The following FAM161B variants were observed in gnomAD, a reference collection of about 807,000 sequenced individuals.
FAM161B encodes the protein FAM161 centrosomal protein B.
A neutral mutation model predicts 61.5 loss-of-function variants in FAM161B; 46 were observed. The observed-to-expected ratio is 0.75, with a 90% CI of 0.59 to 0.96. FAM161B has a LOEUF of 0.96. Among genes scored for constraint, FAM161B ranks in the 40% least tolerant of loss-of-function variants. The probability of loss-of-function intolerance (pLI) is 0.00; values close to 1 mark genes in which losing one functional copy is unlikely to be tolerated. For synonymous variants in FAM161B, 284 were observed against 302.7 expected (o/e 0.94, Z 0.64); for missense variants, 774 against 800.7 (o/e 0.97, Z 0.40).
At chr14:73,927,271 GT>G, downstream of FAM161B, 1 of 189,486 alleles carries the variant, frequency 5.3e-6, no homozygotes, top group South Asian at 6.0e-5. Flanking sequence ...TAGAGACGGG[GT>G]TTCACCATGT....
rs759458219 is a variant in FAM161B, at chr14:73,936,069, GCTT to G, written c.1682_1684del (p.Glu561del). 2 of 1,609,036 alleles carry G rather than the reference GCTT, an allele frequency of 1.2e-6. No homozygotes were observed. The highest frequency in any genetic ancestry group is 3.4e-5 in the Admixed American group (2 of 59,368). ...CAGGGTGTCTAGATACCACTGTTCT[GCTT>G]CTTTCTTGGCTAGATCCTGTGGGAT... is the stretch of plus-strand genomic sequence containing the variant. On this transcript the variant is annotated inframe_deletion, in exon 8 of 9. Transcript: ENST00000286544.
At position 73,932,618 on chromosome 14, in the gene FAM161B, T is replaced by TA; in HGVS notation, c.*1637dup. ...CCTGTCTCCACAGCTACTGAGAAAA[T>TA]ATCCACTCATCATCATTATGATTTG... On this transcript the variant is annotated 3_prime_UTR_variant, in exon 9 of 9. Transcript: ENST00000286544. The TA allele has an allele frequency of 2.6e-6, 1 of 381,186 alleles. No homozygotes were observed. The highest frequency in any genetic ancestry group is 3.5e-5 in the Admixed American group (1 of 28,518). 23.6% of individuals were successfully genotyped at this position (381,186 alleles called of 1,614,324 possible).
chr14:73,943,921 C>T (rs2056040565), intron 3 of FAM161B, among the ~76,000 whole-genome samples: 1 of 152,086 alleles, frequency 6.6e-6, no homozygotes, highest in Non-Finnish European at 1.5e-5. Flanking sequence ...AATAATCATC[C>T]CCCAGGTAAT....
chr14:73,939,464 C>T (rs1240897488), intron 5 of FAM161B, among the ~76,000 whole-genome samples: 2 of 152,254 alleles, frequency 1.3e-5, no homozygotes, highest in East Asian at 3.9e-4. Context: ...GAGGTAAATA[C>T]TAAATTCCCT....
the FAM161B span, among the ~76,000 whole-genome samples, chr14:73,925,795 G>A: frequency 1.3e-5 from 2 of 152,150 alleles, no homozygotes; most frequent in African/African-American, 4.8e-5. Context: ...ACTTTCGGAG[G>A]TGGAGGCAAG....
At chr14:73,925,529 G>T in the FAM161B span, among the ~76,000 whole-genome samples, 3 of 151,892 alleles carry the variant, frequency 2.0e-5, no homozygotes, top group Admixed American at 1.3e-4. Context: ...TCAGGTTCAA[G>T]CAATTTTCCT....
At chr14:73,941,439 G>C (rs956177508) in intron 4 of FAM161B, among the ~76,000 whole-genome samples, 1 of 151,888 alleles carries the variant, frequency 6.6e-6, no homozygotes, top group Non-Finnish European at 1.5e-5. Flanking sequence ...ATCTTTACTA[G>C]GATTCAGCTT....
chr14:73,946,701 A>C (rs1272008515), intron 1 of FAM161B, 96 bp from the exon 2 acceptor site: 4 of 1,320,248 alleles, frequency 3.0e-6, no homozygotes, highest in Non-Finnish European at 4.1e-6. Context: ...TCTGTATATT[A>C]GGGACTGGGG....
At chr14:73,925,563 G>A in the FAM161B span, among the ~76,000 whole-genome samples, 2 of 152,162 alleles carry the variant, frequency 1.3e-5, no homozygotes, top group Admixed American at 6.5e-5. Flanking sequence ...GAATAGCTGG[G>A]ATTGCAGGCA....
chr14:73,946,739 G>A, intron 1 of FAM161B, 134 bp from the exon 2 acceptor site: 3 of 827,244 alleles, frequency 3.6e-6, no homozygotes, highest in Non-Finnish European at 5.5e-6. Flanking sequence ...AGATGCACTG[G>A]CTCACACCTG....
At position 73,949,967 on chromosome 14, in the gene FAM161B, C is replaced by T. The variant is rs746202361; in HGVS notation, c.54+6G>A. ...TTCCCGGGGGCAGTCTCTTTTCTCT[C>T]CTCACCTGACGGCTCCCCTCCGCGC... On this transcript the variant is annotated splice_donor_region_variant and intron_variant, in intron 1 of 8. Coordinates refer to ENST00000286544, the MANE Select transcript of FAM161B (RefSeq NM_152445.3). The T allele has an allele frequency of 6.2e-7, 1 of 1,613,610 alleles. No individual in the cohort carries two copies. Among genetic ancestry groups the T allele is most frequent in the South Asian group, 1.1e-5 (1 of 91,076 alleles).
At chr14:73,942,321 T>C in intron 4 of FAM161B, 48 bp downstream of exon 4, 1 of 1,567,836 alleles carries the variant, frequency 6.4e-7, no homozygotes. Flanking sequence ...CCCCACCCTG[T>C]ATTTCAGGCC....
intron 5 of FAM161B, among the ~76,000 whole-genome samples, chr14:73,940,504 C>T (rs1379441324): frequency 2.0e-5 from 3 of 152,156 alleles, no homozygotes; most frequent in Non-Finnish European, 4.4e-5. Context: ...CGAACTCTTC[C>T]TTGTTCTTCA....
Position 73,946,625 on chromosome 14 carries a change from G to A in FAM161B, c.55-20C>T, listed in dbSNP as rs1226666498. The A allele has an allele frequency of 3.8e-6, 6 of 1,597,884 alleles. No homozygotes were observed. The highest frequency in any genetic ancestry group is 5.1e-6 in the Non-Finnish European group (6 of 1,169,742). On this transcript the variant is annotated intron_variant, in intron 1 of 8. Transcript: ENST00000286544. ...AAATATCTAAAATAGAATAGAAATA[G>A]GCTGTGGGTCAAACAATAATTTCAA... is the stretch of plus-strand genomic sequence containing the variant.
downstream of FAM161B, chr14:73,931,954 AC>A (rs2055922267): frequency 2.2e-6 from 1 of 456,968 alleles, no homozygotes; most frequent in Non-Finnish European, 4.4e-6. Context: ...ACAGAGCTTC[AC>A]CAGGAAGTTG....
Position 73,944,392 on chromosome 14 carries a change from C to T in FAM161B, c.868G>A (p.Ala290Thr), listed in dbSNP as rs749246421. The change falls in exon 3 of 9, where the codon GCC becomes ACC. Residue 290 changes from alanine to threonine, a missense_variant. Coordinates refer to ENST00000286544, the MANE Select transcript of FAM161B (RefSeq NM_152445.3). ...ATGGACTTGGGAATCCTTCTGGTGG[C>T]CTTCTGCTTGGAGATCTTGGCTTCA... Reference protein sequence around the residue: ...TAEAKISKQKATRRIPKSILE... With the variant: ...TAEAKISKQKTTRRIPKSILE... 6.2e-7 allele frequency: 1 copy of T among 1,606,928 alleles called. No individual in the cohort carries two copies. The highest frequency in any genetic ancestry group is 8.5e-7 in the Non-Finnish European group (1 of 1,174,288).
chr14:73,929,738 G>A (rs1156807048), downstream of FAM161B, among the ~76,000 whole-genome samples: 4 of 151,800 alleles, frequency 2.6e-5, no homozygotes, highest in Non-Finnish European at 1.5e-5. Flanking sequence ...GATCACTTGG[G>A]CCCAGGAAGT....
At chr14:73,946,696 A>G in intron 1 of FAM161B, 91 bp from the exon 2 acceptor site, 2 of 1,359,180 alleles carry the variant, frequency 1.5e-6, no homozygotes, top group South Asian at 2.8e-5. Flanking sequence ...AAGCTTCTGT[A>G]TATTAGGGAC....
At chr14:73,934,442 G>C (rs374711904) in intron 8 of FAM161B, 48 bp from the exon 9 acceptor site, 7 of 1,562,270 alleles carry the variant, frequency 4.5e-6, no homozygotes, top group South Asian at 1.2e-5. Context: ...TTTTTTTTCA[G>C]ACAGGGTCTC....
Sources: gnomAD v4.1 joint callset for allele counts (sites outside exome capture counted in the v4.1 genomes callset) on GRCh38, gnomAD v4.1.1 for gene constraint, MANE v1.5 for transcripts, NCBI Gene and HGNC (gene_info 2026-07-23, HGNC 2026-07-21) for gene names.